The following SYNM variants were observed in gnomAD, a reference collection of about 807,000 sequenced individuals.
The protein encoded by SYNM is desmuslin.
Under a neutral mutation model 104.0 loss-of-function variants are expected in SYNM, and 95 were observed. That is an observed-to-expected ratio of 0.91 (90% CI 0.77 to 1.08). The LOEUF is 1.08. Ranked by LOEUF, SYNM falls within the 50% of genes least tolerant of loss-of-function variation. The pLI is 0.00. For synonymous variants in SYNM, 918 were observed against 869.0 expected, an observed-to-expected ratio of 1.06 and a Z score of -0.99; for missense variants, 2,150 against 2,052.2, an observed-to-expected ratio of 1.05 and a Z score of -0.92.
chr15:99,109,226 C>T (rs1357902304), intron 1 of SYNM, among the ~76,000 whole-genome samples: 4 of 152,150 alleles, frequency 2.6e-5, no homozygotes, highest in South Asian at 2.1e-4. Flanking sequence ...CAGATTTGCC[C>T]GAGAAGAGTT....
Position 99,133,170 on chromosome 15 carries a change from CT to C in SYNM, c.*118del. 6.6e-7 allele frequency: 1 copy of C among 1,505,948 alleles called. No homozygotes were observed. Among genetic ancestry groups the C allele is most frequent in the Non-Finnish European group, 8.8e-7 (1 of 1,135,744 alleles). 93.3% of individuals were successfully genotyped at this position (1,505,948 alleles called of 1,614,324 possible). A position where few individuals can be genotyped will look rare whatever the true frequency, so the allele number is the denominator to read the frequency against. On this transcript the variant is annotated 3_prime_UTR_variant, in exon 4 of 4. Transcript: ENST00000336292. ...GTCTATGAAAATCTCCCCTTTTTTA[CT>C]TTTTTAAAGAGTACTCCCGGCATGG... is the stretch of plus-strand genomic sequence containing the variant.
At position 99,121,376 on chromosome 15, in the gene SYNM, A is replaced by G. The variant is rs548297588; in HGVS notation, c.936-5346A>G. Among the ~76,000 whole-genome samples, 4 of 152,098 alleles carry G rather than the reference A, an allele frequency of 2.6e-5. No individual in the cohort carries two copies. In the East Asian group the frequency reaches 7.7e-4, roughly 29 times the overall value. ...TGGGTGGCTGCAGGGAGGCTTCCAG[A>G]GTTTCCTGCAGTCGCTAGCGCCCAG... On this transcript the variant is annotated intron_variant, in intron 2 of 3. Transcript: ENST00000336292.
intron 2 of SYNM, 134 bp from the exon 3 acceptor site, chr15:99,126,588 A>G (rs1555485034): frequency 1.1e-6 from 1 of 908,078 alleles, no homozygotes; most frequent in African/African-American, 1.7e-5. Flanking sequence ...GCCCTGCCCA[A>G]GTCTCCTCTT....
intron 2 of SYNM, among the ~76,000 whole-genome samples, chr15:99,117,962 C>T (rs2067365149): frequency 1.3e-5 from 2 of 152,198 alleles, no homozygotes; most frequent in South Asian, 4.1e-4. Context: ...CTCGTGCTTT[C>T]AGGGGAGCAA....
At chr15:99,135,898 A>G (rs978468655), downstream of SYNM, among the ~76,000 whole-genome samples, 6 of 152,226 alleles carry the variant, frequency 3.9e-5, no homozygotes, top group African/African-American at 1.4e-4. Flanking sequence ...GTAGGACACC[A>G]CCAACCATCC....
Position 99,131,330 on chromosome 15 carries a change from G to C in SYNM, c.2970G>C (p.Gln990His), listed in dbSNP as rs782137542. ...TTTCCGTGGATGTCAAGAAGGTCCA[G>C]GGTGCTGGTGGCAGTTCCGTGACCC... ...GSVSVDVKKV[Q>H]GAGGSSVTLV... is the part of the protein sequence containing the mutation. Residue 990 changes from glutamine (Q) to histidine (H), a missense_variant, in exon 4 of 4, where the codon CAG (glutamine) becomes CAC (histidine). By Grantham distance (24) the Gln-to-His change is conservative. Transcript: ENST00000336292. This position sits in a 1 kb window ranked among gnomAD's most constrained non-coding sequence, Gnocchi z 4.3. 2 of 1,613,360 alleles carry C rather than the reference G, an allele frequency of 1.2e-6. No individual in the cohort carries two copies. Among genetic ancestry groups the C allele is most frequent in the East Asian group, 2.2e-5 (1 of 44,852 alleles).
downstream of SYNM, chr15:99,139,489 C>T (rs1293613460): frequency 4.4e-6 from 7 of 1,581,388 alleles, no homozygotes; most frequent in Non-Finnish European, 6.0e-6. Context: ...GAAAGATGAC[C>T]TCATTCTTAG....
Position 99,130,158 on chromosome 15 carries a change from G to A in SYNM, c.1798G>A (p.Val600Met), listed in dbSNP as rs1555485542. The A allele has an allele frequency of 1.9e-6, 3 of 1,613,946 alleles. No homozygotes were observed. The highest frequency in any genetic ancestry group is 2.2e-5 in the East Asian group (1 of 44,882). ...GTCCCCGAAAGGTTTGCAGACGCCT[G>A]TGAAGGATGCTGGTGGTGGGACCGG... ...EVSPKGLQTP[V>M]KDAGGGTGRE... Residue 600 changes from valine (V) to methionine (M), a missense_variant, in exon 4 of 4, where the codon GTG becomes ATG. By Grantham distance (21) the Val-to-Met change is conservative. Transcript: ENST00000336292.
Position 99,132,022 on chromosome 15 carries a change from G to C in SYNM, c.3662G>C (p.Ser1221Thr). 6.2e-7 allele frequency: 1 copy of C among 1,613,974 alleles called. No homozygotes were observed. Among genetic ancestry groups the C allele is most frequent in the East Asian group, 2.2e-5 (1 of 44,888 alleles). The stretch of plus-strand genomic sequence containing the variant: ...GATATGGACGGATCAGGGAGGCACA[G>C]CACATTTGGCTGCAGACAATTTCAT... The part of the protein sequence containing the change: ...SADMDGSGRH[S>T]TFGCRQFHAE... Residue 1221 changes from serine to threonine, a missense_variant, in exon 4 of 4, where the codon AGC becomes ACC. By Grantham distance (58) the Ser-to-Thr change is moderately conservative (BLOSUM62 1). Transcript: ENST00000336292.
intron 1 of SYNM, among the ~76,000 whole-genome samples, chr15:99,107,710 A>G (rs2067259936): frequency 1.3e-5 from 2 of 152,162 alleles, no homozygotes; most frequent in South Asian, 4.1e-4. Context: ...TGGAGGAGAC[A>G]TGGGGACTTG....
At position 99,132,609 on chromosome 15, in the gene SYNM, A is replaced by T; in HGVS notation, c.4249A>T (p.Ile1417Phe). 6.2e-7 allele frequency: 1 copy of T among 1,614,016 alleles called. No individual in the cohort carries two copies. Among genetic ancestry groups the T allele is most frequent in the Non-Finnish European group, 8.5e-7 (1 of 1,179,890 alleles). The change falls in exon 4 of 4, where the codon ATT becomes TTT. Residue 1417 changes from isoleucine (I) to phenylalanine (F), a missense_variant. By Grantham distance (21) the Ile-to-Phe change is conservative. Transcript: ENST00000336292. Reference protein sequence around the residue: ...GPTETETSEHIAIRGPVSRTF... With the variant: ...GPTETETSEHFAIRGPVSRTF... ...TACAGAAACGGAAACCTCTGAACAC[A>T]TTGCCATCCGTGGACCCGTGTCCAG...
In SYNM at chr15:99,129,714, G is replaced by T. The variant is rs143663444; in HGVS notation, c.1354G>T (p.Gly452Ter). 1.9e-6 allele frequency: 3 copies of T among 1,613,600 alleles called. No homozygotes were observed. The African/African-American group carries it at 4.0e-5, about 22-fold the overall frequency. ...AACATTCCCTGACAGACCAAAAGCC[G>T]GAGATACAAGGGAGGTCCCCGTTTA... Reference protein sequence around the residue: ...VKTFPDRPKAGDTREVPVYIG... With the variant: ...VKTFPDRPKA Residue 452 changes from glycine (G) to a stop codon, truncating the protein, a stop_gained, in exon 4 of 4, where the codon GGA (glycine) becomes TGA (stop). Transcript: ENST00000336292. LOFTEE classifies it low-confidence loss of function (END_TRUNC).
chr15:99,112,296 C>T (rs1555483480), intron 1 of SYNM, among the ~76,000 whole-genome samples: 1 of 152,120 alleles, frequency 6.6e-6, no homozygotes, highest in African/African-American at 2.4e-5. Flanking sequence ...ATGCTACTTC[C>T]CATTACAAAC....
intron 1 of SYNM, among the ~76,000 whole-genome samples, chr15:99,109,605 A>G (rs1051787405): frequency 1.3e-5 from 2 of 152,178 alleles, no homozygotes; most frequent in African/African-American, 4.8e-5. Context: ...TCTGCAATTC[A>G]GTTTCCCCAT....
At chr15:99,129,294 G>A in intron 3 of SYNM, 73 bp from the exon 4 acceptor site, 2 of 1,562,006 alleles carry the variant, frequency 1.3e-6, no homozygotes, top group Non-Finnish European at 1.7e-6. Context: ...GATTTGGCCT[G>A]CAACAATGCT....
chr15:99,122,541 G>A (rs1555484614), intron 2 of SYNM, among the ~76,000 whole-genome samples: 1 of 152,140 alleles, frequency 6.6e-6, no homozygotes, highest in Non-Finnish European at 1.5e-5. Flanking sequence ...AAATCTTGTA[G>A]TTGTAAGAAT....
chr15:99,125,150 C>T (rs561698002), intron 2 of SYNM, among the ~76,000 whole-genome samples: 30 of 152,326 alleles, frequency 2.0e-4, no homozygotes, highest in Non-Finnish European at 4.0e-4. Flanking sequence ...CACAGCTGAG[C>T]CAGGCCGGGA....
At chr15:99,107,028 A>T (rs1383828726) in intron 1 of SYNM, among the ~76,000 whole-genome samples, 2 of 152,248 alleles carry the variant, frequency 1.3e-5, no homozygotes, top group East Asian at 1.9e-4. Flanking sequence ...TCCACAGGTG[A>T]TGAGTAAATA....
At chr15:99,124,060 G>T (rs1165281759) in intron 2 of SYNM, among the ~76,000 whole-genome samples, 2 of 152,228 alleles carry the variant, frequency 1.3e-5, no homozygotes, top group African/African-American at 4.8e-5. Context: ...TGCATAAGGG[G>T]CCACCAACCT....
Sources: allele counts gnomAD v4.1 joint callset (sites outside exome capture counted in the v4.1 genomes callset), GRCh38; gene constraint gnomAD v4.1.1; non-coding constraint Gnocchi (gnomAD v3.1); transcripts MANE v1.5; gene names NCBI Gene and HGNC (gene_info 2026-07-23, HGNC 2026-07-21).